Variants in CCDC3 observed in about 807,000 individuals in gnomAD.
CCDC3 encodes coiled-coil domain-containing protein 3.
Under a neutral mutation model 21.4 loss-of-function variants are expected in CCDC3, and 24 were observed. The ratio of observed to expected loss-of-function variants is 1.12; its 90% CI spans 0.81 to 1.58. The LOEUF (loss-of-function observed/expected upper bound fraction) is 1.58, where lower values mean the gene tolerates loss of function less well. Ranked by LOEUF, CCDC3 falls within the 40% of genes most tolerant of loss-of-function variation. The pLI is 0.00. For synonymous variants in CCDC3, 186 were observed against 166.0 expected (o/e 1.12, Z -0.93); for missense variants, 425 against 360.9 (o/e 1.18, Z -1.44).
intron 1 of CCDC3, among the ~76,000 whole-genome samples, chr10:13,000,124 A>G (rs939704582): frequency 2.6e-5 from 4 of 152,242 alleles, no homozygotes; most frequent in Non-Finnish European, 5.9e-5. Context: ...GACCCACGTC[A>G]GCCTCATTCC....
At chr10:13,026,340 A>G (rs1234527191) in intron 5 of CCDC3, among the ~76,000 whole-genome samples, 1 of 152,204 alleles carries the variant, frequency 6.6e-6, no homozygotes, top group East Asian at 1.9e-4. Context: ...TTAATAACCT[A>G]CAGCTTTTAC....
intron 2 of CCDC3, among the ~76,000 whole-genome samples, chr10:12,935,259 C>A (rs957673227): frequency 6.6e-6 from 1 of 152,158 alleles, no homozygotes; most frequent in South Asian, 2.1e-4. Context: ...TGCTCTGTCA[C>A]CCAGGCTGGA....
intron 2 of CCDC3, among the ~76,000 whole-genome samples, chr10:12,902,812 C>T (rs1454043430): frequency 2.1e-5 from 2 of 95,802 alleles, no homozygotes; most frequent in Non-Finnish European, 4.6e-5. Context: ...GGATGAATTT[C>T]ACCTCCAGCA....
At chr10:13,036,741 T>A (rs1483259951) in intron 5 of CCDC3, among the ~76,000 whole-genome samples, 1 of 152,060 alleles carries the variant, frequency 6.6e-6, no homozygotes, top group East Asian at 1.9e-4. Context: ...CACTTTGGCC[T>A]CCCAAAGTGC....
Position 12,897,041 on chromosome 10 carries a change from A to G in CCDC3, c.*1375T>C, listed in dbSNP as rs1470801953. ...AAAGGCAGAAGAGTGGAAATCTGACAGTGCCTGCCATTTCCGGTACAGAGG... is the reference window on the plus strand; with the variant it reads ...AAAGGCAGAAGAGTGGAAATCTGACGGTGCCTGCCATTTCCGGTACAGAGG... On this transcript the variant is annotated 3_prime_UTR_variant, in exon 3 of 3. Coordinates refer to ENST00000378825, the MANE Select transcript of CCDC3 (RefSeq NM_031455.4). The G allele has an allele frequency of 6.6e-6, 1 of 152,362 alleles. No individual in the cohort carries two copies. The highest frequency in any genetic ancestry group is 1.5e-5 in the Non-Finnish European group (1 of 68,214). 9.4% of individuals were successfully genotyped at this position (152,362 alleles called of 1,614,324 possible). A position where few individuals can be genotyped will look rare whatever the true frequency, so the allele number is the denominator to read the frequency against.
intron 4 of CCDC3, among the ~76,000 whole-genome samples, chr10:13,065,555 T>C (rs2131435794): frequency 6.6e-6 from 1 of 152,316 alleles, no homozygotes; most frequent in East Asian, 1.9e-4. Context: ...CTTATGGATA[T>C]TAAGAACGTT....
At chr10:12,959,990 CT>C in intron 2 of CCDC3, among the ~76,000 whole-genome samples, 1 of 152,290 alleles carries the variant, frequency 6.6e-6, no homozygotes, top group East Asian at 1.9e-4. Context: ...CCCGTCTCTA[CT>C]AAAAATACAA....
chr10:13,039,813 T>C (rs1015801730), intron 5 of CCDC3, among the ~76,000 whole-genome samples: 8 of 151,624 alleles, frequency 5.3e-5, no homozygotes, highest in Non-Finnish European at 1.0e-4. Flanking sequence ...TACTTGGAAA[T>C]GCGGGAGAGG....
chr10:13,028,639 G>A (rs1836256935), intron 5 of CCDC3, among the ~76,000 whole-genome samples: 1 of 152,154 alleles, frequency 6.6e-6, no homozygotes, highest in African/African-American at 2.4e-5. Context: ...TCAGAAAAAT[G>A]GTATTGGAGT....
At chr10:12,973,581 G>A (rs1171489004) in intron 2 of CCDC3, among the ~76,000 whole-genome samples, 1 of 152,200 alleles carries the variant, frequency 6.6e-6, no homozygotes, top group Non-Finnish European at 1.5e-5. Context: ...AGTGATTACT[G>A]GGTGGGTTCC....
rs940792201 is a variant in CCDC3 at position 13,072,192 on chromosome 10, G to A, written c.-270+1676C>T. Among the ~76,000 whole-genome samples, 24 of 151,820 alleles carry A rather than the reference G, an allele frequency of 1.6e-4. 1 individual carries two copies. Among genetic ancestry groups the A allele is most frequent in the Admixed American group, 1.5e-3 (23 of 15,232 alleles). ...CCTAATAACCCAGTTGTCTATTCTC[G>A]CCTTCAGGCTATCAAACTCCAAATG... On this transcript the variant is annotated intron_variant, in intron 4 of 6. Coordinates refer to the CCDC3 transcript ENST00000378839.
chr10:13,048,534 G>A (rs6602628), intron 5 of CCDC3, among the ~76,000 whole-genome samples: 22,366 of 152,002 alleles, frequency 0.15, 1,822 homozygotes, highest in East Asian at 0.26. Flanking sequence ...TGCACTTTAC[G>A]GATTCTGTTA....
At chr10:12,953,641 G>GGACCACGAGCTGGGA (rs1224251048) in intron 2 of CCDC3, among the ~76,000 whole-genome samples, 2 of 152,164 alleles carry the variant, frequency 1.3e-5, no homozygotes, top group Admixed American at 1.3e-4. Flanking sequence ...CCTTGCTGGG[G>GGACCACGAGCTGGGA]GACCACGAGC....
chr10:12,963,436 C>A (rs7897133), intron 2 of CCDC3, among the ~76,000 whole-genome samples: 57,355 of 152,114 alleles, frequency 0.38, 11,573 homozygotes, highest in East Asian at 0.56. Flanking sequence ...CCCACGTCTT[C>A]AACACTTTCT....
intron 3 of CCDC3, among the ~76,000 whole-genome samples, chr10:13,096,435 G>C (rs895755606): frequency 4.6e-5 from 7 of 152,240 alleles, no homozygotes; most frequent in African/African-American, 1.4e-4. Context: ...TCCTCCCAAA[G>C]TGCTGGGATT....
In CCDC3 at chr10:13,037,611, C is replaced by G. The variant is rs1836394400; in HGVS notation, c.-2+12063G>C. Among the ~76,000 whole-genome samples the G allele has an allele frequency of 2.6e-5, 4 of 152,270 alleles. 1 individual carries two copies. The Middle Eastern group carries it at 0.01, about 388-fold the overall frequency. On this transcript the variant is annotated intron_variant, in intron 5 of 6. Transcript: ENST00000378839. ...TGCATTGTCTTGAAGAGTTCACCCCCCTCTGAATTTGGCTGCAAATTCATC... is the reference window on the plus strand; with the variant it reads ...TGCATTGTCTTGAAGAGTTCACCCCGCTCTGAATTTGGCTGCAAATTCATC...
At chr10:13,015,162 T>C (rs1474714040) in intron 5 of CCDC3, among the ~76,000 whole-genome samples, 1 of 152,108 alleles carries the variant, frequency 6.6e-6, no homozygotes, top group East Asian at 1.9e-4. Flanking sequence ...GTGGTAGCTA[T>C]TGGTCATTCA....
intron 2 of CCDC3, among the ~76,000 whole-genome samples, chr10:12,986,598 C>G (rs544469912): frequency 9.2e-5 from 14 of 152,136 alleles, no homozygotes; most frequent in African/African-American, 3.1e-4. Context: ...CATGGTGAAA[C>G]CCCATCTCCA....
chr10:12,984,704 T>C (rs1835560533), intron 2 of CCDC3, among the ~76,000 whole-genome samples: 1 of 152,202 alleles, frequency 6.6e-6, no homozygotes. Context: ...CATGAAATAT[T>C]ATTCAGCCAT....
Sources: gnomAD v4.1 joint callset for allele counts (sites outside exome capture counted in the v4.1 genomes callset) on GRCh38, gnomAD v4.1.1 for gene constraint, MANE v1.5 for transcripts, NCBI Gene and HGNC (gene_info 2026-07-23, HGNC 2026-07-21) for gene names.